CAST: variants seen among roughly 807,000 people sequenced by gnomAD.
The protein encoded by CAST is MIR583 host.
In CAST, 76 loss-of-function variants were observed where a neutral mutation model predicts 119.6. The observed-to-expected ratio is 0.64, with a 90% CI of 0.53 to 0.77. CAST has a LOEUF of 0.77. CAST is among the 30% of genes least tolerant of loss of function. The pLI is 0.00. For missense variants in CAST, 953 were observed against 946.5 expected (o/e 1.01, Z -0.09); for synonymous variants, 319 against 331.6 (o/e 0.96, Z 0.41).
At chr5:96,376,254 T>C in the CAST span, among the ~76,000 whole-genome samples, 68 of 152,042 alleles carry the variant, frequency 4.5e-4, no homozygotes, top group Admixed American at 9.8e-4. Flanking sequence ...CATCCTAATA[T>C]AGCATAATGC....
At chr5:96,641,012 T>C (rs1306439550) in intron 1 of CAST, among the ~76,000 whole-genome samples, 2 of 152,154 alleles carry the variant, frequency 1.3e-5, no homozygotes, top group South Asian at 4.1e-4. Flanking sequence ...AAAATAAATA[T>C]TGCAAAAGCA....
At chr5:96,729,827 G>A in intron 8 of CAST, 102 bp downstream of exon 8, 1 of 662,244 alleles carries the variant, frequency 1.5e-6, no homozygotes, top group South Asian at 1.7e-5. Flanking sequence ...ATGGGGCTGT[G>A]CTGAATATAT....
the CAST span, among the ~76,000 whole-genome samples, chr5:96,200,151 G>A: frequency 1.3e-5 from 2 of 152,234 alleles, no homozygotes; most frequent in East Asian, 3.9e-4. Flanking sequence ...TGAATGGGAA[G>A]TTTGCATGAT....
the CAST span, among the ~76,000 whole-genome samples, chr5:96,466,777 T>G: frequency 1.3e-5 from 2 of 152,134 alleles, no homozygotes; most frequent in African/African-American, 2.4e-5. Context: ...TTATAATACC[T>G]CTAATATTTT....
chr5:96,051,478 G>A, the CAST span, among the ~76,000 whole-genome samples: 2 of 152,162 alleles, frequency 1.3e-5, no homozygotes, highest in Non-Finnish European at 2.9e-5. Flanking sequence ...TGGGGCTGGG[G>A]GTAACTGCCA....
chr5:96,089,155 A>C, the CAST span, among the ~76,000 whole-genome samples: 96 of 149,958 alleles, frequency 6.4e-4, no homozygotes, highest in African/African-American at 2.1e-3. Context: ...GAAGTATATG[A>C]CTTTTAAAGG....
chr5:96,732,831 A>G (rs1394856431), intron 9 of CAST, among the ~76,000 whole-genome samples: 1 of 152,226 alleles, frequency 6.6e-6, no homozygotes, highest in Non-Finnish European at 1.5e-5. Flanking sequence ...GCAATATAGA[A>G]TTAGTAATCA....
chr5:96,721,537 G>A (rs1758264402), intron 3 of CAST, among the ~76,000 whole-genome samples: 1 of 152,110 alleles, frequency 6.6e-6, no homozygotes, highest in Non-Finnish European at 1.5e-5. Context: ...AGGCATTAGG[G>A]ACACAGTGAG....
chr5:96,619,938 G>A (rs1273173809), intron 1 of CAST, among the ~76,000 whole-genome samples: 2 of 152,182 alleles, frequency 1.3e-5, no homozygotes, highest in Non-Finnish European at 2.9e-5. Context: ...TGGGCAAGAG[G>A]TTAAATCTCT....
At chr5:96,269,463 C>T in the CAST span, among the ~76,000 whole-genome samples, 10 of 152,070 alleles carry the variant, frequency 6.6e-5, no homozygotes, top group African/African-American at 2.4e-4. Flanking sequence ...AACAAATGAG[C>T]CTAATTGACT....
the CAST span, among the ~76,000 whole-genome samples, chr5:96,491,526 TTAAAAA>T: frequency 1.1e-5 from 1 of 88,852 alleles, no homozygotes; most frequent in African/African-American, 3.9e-5. Context: ...AAAAAAAAAA[TTAAAAA>T]GACCAACAAT....
chr5:96,366,590 A>G, the CAST span, among the ~76,000 whole-genome samples: 320 of 152,254 alleles, frequency 2.1e-3, no homozygotes, highest in African/African-American at 7.5e-3. Context: ...ATCTTCAATC[A>G]CTGATACCCT....
intron 3 of CAST, among the ~76,000 whole-genome samples, chr5:96,716,561 G>A (rs1561513727): frequency 6.6e-6 from 1 of 152,150 alleles, no homozygotes; most frequent in Non-Finnish European, 1.5e-5. Flanking sequence ...AACAGGCCTG[G>A]CCCCTGCCTT....
At chr5:96,612,782 G>T (rs1460824480) in intron 1 of CAST, among the ~76,000 whole-genome samples, 1 of 152,096 alleles carries the variant, frequency 6.6e-6, no homozygotes, top group African/African-American at 2.4e-5. Flanking sequence ...TTTTGCTTTA[G>T]ATGTTTAGAT....
the CAST span, among the ~76,000 whole-genome samples, chr5:96,326,246 G>A: frequency 8.5e-5 from 13 of 152,070 alleles, no homozygotes; most frequent in African/African-American, 3.1e-4. Flanking sequence ...CCAATCTATT[G>A]TGGTAATCTC....
At chr5:96,715,984 G>T (rs1032406699) in intron 3 of CAST, among the ~76,000 whole-genome samples, 2 of 152,152 alleles carry the variant, frequency 1.3e-5, no homozygotes, top group Non-Finnish European at 2.9e-5. Flanking sequence ...TACCTTGTTA[G>T]ATGACTCTAT....
At chr5:96,504,672 A>T in the CAST span, among the ~76,000 whole-genome samples, 1 of 152,146 alleles carries the variant, frequency 6.6e-6, no homozygotes, top group African/African-American at 2.4e-5. Flanking sequence ...GTACAATTTG[A>T]CAAGATTTGG....
chr5:96,319,928 A>G, the CAST span, among the ~76,000 whole-genome samples: 18 of 151,346 alleles, frequency 1.2e-4, no homozygotes, highest in Non-Finnish European at 2.5e-4. Flanking sequence ...GCCTAGTTAG[A>G]TATGAAGAGG....
At chr5:96,127,991 A>T in the CAST span, among the ~76,000 whole-genome samples, 1 of 152,128 alleles carries the variant, frequency 6.6e-6, no homozygotes, top group African/African-American at 2.4e-5. Context: ...GTCAGCTTTG[A>T]ATAAGGTCAT....
Sources: gnomAD v4.1 joint callset for allele counts (sites outside exome capture counted in the v4.1 genomes callset) on GRCh38, gnomAD v4.1.1 for gene constraint, MANE v1.5 for transcripts, NCBI Gene and HGNC (gene_info 2026-07-23, HGNC 2026-07-21) for gene names.